The following ZNF546 variants were observed in gnomAD, a reference collection of about 807,000 sequenced individuals.
The protein encoded by ZNF546 is zinc finger protein 546.
Under a neutral mutation model 76.2 loss-of-function variants are expected in ZNF546, and 60 were observed. The ratio of observed to expected loss-of-function variants is 0.79; its 90% confidence interval spans 0.64 to 0.98. The LOEUF is 0.98. Among genes scored for constraint, ZNF546 ranks in the 50% least tolerant of loss-of-function variants. ZNF546 has a pLI of 0.00. For missense variants in ZNF546, 936 were observed against 1,035.6 expected (o/e 0.90, Z 1.32); for synonymous variants, 277 against 328.1 (o/e 0.84, Z 1.68).
chr19:40,014,058 A>C lies in ZNF546; in HGVS notation c.788A>C (p.His263Pro). Residue 263 changes from histidine to proline, a missense_variant, in exon 7 of 7, where the codon CAT becomes CCT. Physicochemically the swap from His to Pro is moderately conservative, Grantham distance 77. Coordinates refer to ENST00000347077, the MANE Select transcript of ZNF546 (RefSeq NM_178544.5). ...AFCRVGDLRV[H>P]HTIHAGERPY... ...TGTCGAGTGGGAGACCTTAGAGTACATCACACAATCCATGCTGGGGAGAGA... is the reference window on the plus strand; with the variant it reads ...TGTCGAGTGGGAGACCTTAGAGTACCTCACACAATCCATGCTGGGGAGAGA... 1.2e-6 allele frequency: 2 copies of C among 1,612,788 alleles called. No homozygotes were observed. Among genetic ancestry groups the C allele is most frequent in the African/African-American group, 1.3e-5 (1 of 75,024 alleles).
intron 3 of ZNF546, among the ~76,000 whole-genome samples, chr19:40,004,129 T>A (rs959493346): frequency 1.8e-5 from 2 of 108,872 alleles, no homozygotes; most frequent in Non-Finnish European, 3.2e-5. Flanking sequence ...ACTATATTAA[T>A]ATATATATAT....
At chr19:40,013,451 C>T (rs908943192) in intron 6 of ZNF546, among the ~76,000 whole-genome samples, 1 of 152,126 alleles carries the variant, frequency 6.6e-6, no homozygotes, top group Admixed American at 6.5e-5. Context: ...TGACAGAGAC[C>T]ATATGCCTCC....
In ZNF546 at chr19:40,008,500, C is replaced by A. The variant is rs146569548; in HGVS notation, c.329C>A (p.Thr110Asn). The A allele has an allele frequency of 1.3e-5, 21 of 1,611,598 alleles. No individual in the cohort carries two copies. In the African/African-American group the frequency reaches 2.0e-4, roughly 15 times the overall value. Residue 110 changes from threonine to asparagine, a missense_variant, in exon 6 of 7, where the codon ACT becomes AAT. By Grantham distance (65) the Thr-to-Asn change is moderately conservative. Coordinates refer to ENST00000347077, the MANE Select transcript of ZNF546 (RefSeq NM_178544.5). ...ACCATTCCTAAGCCAGATGTGATTACTTTATTGGAGCAAGAGAAAGAGCCC... is the reference window on the plus strand; with the variant it reads ...ACCATTCCTAAGCCAGATGTGATTAATTTATTGGAGCAAGAGAAAGAGCCC... The part of the protein sequence containing the change: ...GYTIPKPDVI[T>N]LLEQEKEPWI...
intron 3 of ZNF546, 77 bp from the exon 4 acceptor site, chr19:40,006,019 C>A: frequency 1.6e-6 from 2 of 1,227,764 alleles, no homozygotes; most frequent in Non-Finnish European, 1.2e-6. Context: ...GATGGCATAA[C>A]AGGATCTTAT....
rs775645503 is a variant in ZNF546 at position 40,013,803 on chromosome 19, G to A, written c.533G>A (p.Cys178Tyr). The change falls in exon 7 of 7, where the codon TGT (cysteine) becomes TAT (tyrosine). Residue 178 changes from cysteine (C) to tyrosine (Y), a missense_variant. By Grantham distance (194) the Cys-to-Tyr change is radical (BLOSUM62 -2). Transcript: ENST00000347077. ...EDTIFRNGLQCKHEFERQERH... is the reference protein window; with the variant it reads ...EDTIFRNGLQYKHEFERQERH... ...ACCATTTTCAGAAATGGTTTGCAGT[G>A]TAAACATGAATTTGAGAGACAAGAG... 7 of 1,613,916 alleles carry A rather than the reference G, an allele frequency of 4.3e-6. No homozygotes were observed. The South Asian group carries it at 6.6e-5, about 15-fold the overall frequency.
chr19:40,007,384 C>T lies in ZNF546; in HGVS notation c.282C>T (p.Ser94=). ...AGGATGTGATGTTGGAGAACTACAG[C>T]AACCTGGTCTCACTGGGTAAGGTAT... ...LYKDVMLENY[S]NLVSLGYTIP... Residue 94 remains serine, a synonymous_variant, in exon 5 of 7, where the codon AGC becomes AGT. Coordinates refer to ENST00000347077, the MANE Select transcript of ZNF546 (RefSeq NM_178544.5). The T allele has an allele frequency of 6.3e-7, 1 of 1,599,340 alleles. No individual in the cohort carries two copies. The highest frequency in any genetic ancestry group is 8.5e-7 in the Non-Finnish European group (1 of 1,172,550).
In ZNF546 at chr19:40,015,467, C is replaced by T. The variant is rs755564736; in HGVS notation, c.2197C>T (p.Arg733Trp). The change falls in exon 7 of 7, where the codon CGG (arginine) becomes TGG (tryptophan). Residue 733 changes from arginine to tryptophan, a missense_variant. Physicochemically the swap from Arg to Trp is moderately radical, Grantham distance 101. Transcript: ENST00000347077. The part of the protein sequence containing the change: ...CKECGKTFSR[R>W]YHLTQHFRLH... ...GGAATGTGGAAAGACCTTTAGTCGT[C>T]GGTATCATCTTACTCAACATTTTAG... The T allele has an allele frequency of 3.6e-5, 58 of 1,614,028 alleles. 1 individual carries two copies. Among genetic ancestry groups the T allele is most frequent in the South Asian group, 2.4e-4 (22 of 91,070 alleles).
chr19:40,014,323 T>C lies in ZNF546; in HGVS notation c.1053T>C (p.His351=), dbSNP rs1018163708. 1 of 1,613,388 alleles carries C rather than the reference T, an allele frequency of 6.2e-7. No individual in the cohort carries two copies. The change falls in exon 7 of 7, where the codon CAT becomes CAC. Residue 351 remains histidine, a synonymous_variant. Transcript: ENST00000347077. The part of the protein sequence containing the change: ...HYQLTEHQRI[H]TGERPYECKV... ...AACTAACTGAACATCAAAGAATTCA[T>C]ACTGGTGAGAGGCCTTATGAATGTA...
chr19:40,010,011 T>C (rs1034162746), intron 6 of ZNF546, among the ~76,000 whole-genome samples: 4 of 152,314 alleles, frequency 2.6e-5, no homozygotes, highest in East Asian at 1.9e-4. Context: ...TATAGACTTA[T>C]GCTTTCATTT....
In ZNF546 at chr19:40,020,809, T is replaced by C. The variant is rs1286562921; in HGVS notation, c.*5028T>C. 6.6e-6 allele frequency: 1 copy of C among 152,156 alleles called. No individual in the cohort carries two copies. Among genetic ancestry groups the C allele is most frequent in the Non-Finnish European group, 1.5e-5 (1 of 67,990 alleles). The allele number at this position is 152,156 out of a possible 1,614,324, so 9.4% of individuals were successfully genotyped here. A position where few individuals can be genotyped will look rare whatever the true frequency, so the allele number is the denominator to read the frequency against. On this transcript the variant is annotated 3_prime_UTR_variant, in exon 7 of 7. Transcript: ENST00000347077. The stretch of plus-strand genomic sequence containing the variant: ...AATATTCAGATCTAATGGCAGATGC[T>C]TAGCTATGCTGGGAAAGGAAGTGAA...
At position 40,015,346 on chromosome 19, in the gene ZNF546, C is replaced by A; in HGVS notation, c.2076C>A (p.Pro692=). The change falls in exon 7 of 7, where the codon CCC becomes CCA. Residue 692 remains proline (P), a synonymous_variant. Transcript: ENST00000347077. ...QHHRGHTGEK[P]YICNECGNAF... ...ACAGAGGCCATACTGGTGAGAAGCC[C>A]TACATATGTAATGAATGTGGGAATG... 6.2e-7 allele frequency: 1 copy of A among 1,614,106 alleles called. No homozygotes were observed. Among genetic ancestry groups the A allele is most frequent in the South Asian group, 1.1e-5 (1 of 91,090 alleles).
Position 40,015,090 on chromosome 19 carries a change from A to T in ZNF546, c.1820A>T (p.Lys607Ile), listed in dbSNP as rs778378262. 7 of 1,613,908 alleles carry T rather than the reference A, an allele frequency of 4.3e-6. No homozygotes were observed. The African/African-American group carries it at 9.3e-5, about 22-fold the overall frequency. ...CATTTTAAAATTCATACTGGTGAAA[A>T]ACCCTACATATGTAATGAATGTGGG... ...TQHFKIHTGE[K>I]PYICNECGKA... Residue 607 changes from lysine to isoleucine, a missense_variant, in exon 7 of 7, where the codon AAA becomes ATA. Transcript: ENST00000347077.
intron 3 of ZNF546, among the ~76,000 whole-genome samples, chr19:40,003,315 G>A (rs926385382): frequency 6.6e-6 from 1 of 152,162 alleles, no homozygotes; most frequent in Non-Finnish European, 1.5e-5. Context: ...GGGATTACAG[G>A]CGTGAGCCAC....
At chr19:40,006,250 A>G in intron 4 of ZNF546, 68 bp downstream of exon 4, 1 of 1,406,858 alleles carries the variant, frequency 7.1e-7, no homozygotes. Flanking sequence ...AAGTCTCGTT[A>G]TCTTGAGACT....
In ZNF546 at chr19:40,007,292, G is replaced by A. The variant is rs781590688; in HGVS notation, c.190G>A (p.Asp64Asn). The change falls in exon 5 of 7, where the codon GAT becomes AAT. Residue 64 changes from aspartate (D) to asparagine (N), a missense_variant. Coordinates refer to ENST00000347077, the MANE Select transcript of ZNF546 (RefSeq NM_178544.5). ...TMANVSLAFR[D>N]VSIDLSQEEW... Reference sequence around the variant, plus strand: ...ATTTCAGGTATCTTTGGCATTTAGGGATGTGTCCATAGACCTCTCCCAAGA... The same window carrying A: ...ATTTCAGGTATCTTTGGCATTTAGGAATGTGTCCATAGACCTCTCCCAAGA... The A allele has an allele frequency of 1.3e-6, 2 of 1,562,596 alleles. No individual in the cohort carries two copies. The highest frequency in any genetic ancestry group is 2.4e-5 in the South Asian group (2 of 82,102).
At chr19:40,010,512 G>A (rs1347985177) in intron 6 of ZNF546, among the ~76,000 whole-genome samples, 2 of 152,152 alleles carry the variant, frequency 1.3e-5, no homozygotes, top group African/African-American at 4.8e-5. Context: ...GGTATGGTCA[G>A]TCTTTTAAAT....
At position 40,017,553 on chromosome 19, in the gene ZNF546, AT is replaced by A. The variant is rs778693531; in HGVS notation, c.*1774del. 4 of 152,222 alleles carry A rather than the reference AT, an allele frequency of 2.6e-5. No homozygotes were observed. The highest frequency in any genetic ancestry group is 4.8e-5 in the African/African-American group (2 of 41,458). 9.4% of individuals were successfully genotyped at this position (152,222 alleles called of 1,614,324 possible). ...CCTCCTACTTAATTGCTATATAACA[AT>A]TGTCCAACCTGTCTGTGCCCCAGGG... is the stretch of plus-strand genomic sequence containing the variant. On this transcript the variant is annotated 3_prime_UTR_variant, in exon 7 of 7. Transcript: ENST00000347077.
chr19:40,013,809 A>G lies in ZNF546; in HGVS notation c.539A>G (p.His180Arg). Residue 180 changes from histidine (H) to arginine (R), a missense_variant, in exon 7 of 7, where the codon CAT (histidine) becomes CGT (arginine). His to Arg is a conservative substitution (Grantham distance 29, BLOSUM62 0). Coordinates refer to ENST00000347077, the MANE Select transcript of ZNF546 (RefSeq NM_178544.5). ...TIFRNGLQCKHEFERQERHQM... is the reference protein window; with the variant it reads ...TIFRNGLQCKREFERQERHQM... ...TTCAGAAATGGTTTGCAGTGTAAACATGAATTTGAGAGACAAGAGAGACAT... is the reference window on the plus strand; with the variant it reads ...TTCAGAAATGGTTTGCAGTGTAAACGTGAATTTGAGAGACAAGAGAGACAT... 1 of 1,613,936 alleles carries G rather than the reference A, an allele frequency of 6.2e-7. No homozygotes were observed. Among genetic ancestry groups the G allele is most frequent in the Non-Finnish European group, 8.5e-7 (1 of 1,179,954 alleles).
chr19:40,006,174 A>G lies in ZNF546; in HGVS notation c.163A>G (p.Met55Val). ...GACAAGTTCTTGTGGTTCTAAAACC[A>G]TGGCCAATGTAAGTTTGTGTTTTTC... ...ELTSSCGSKTMANVSLAFRDV... is the reference protein window; with the variant it reads ...ELTSSCGSKTVANVSLAFRDV... Residue 55 changes from methionine (M) to valine (V), a missense_variant, in exon 4 of 7, where the codon ATG becomes GTG. By Grantham distance (21) the Met-to-Val change is conservative. Transcript: ENST00000347077. The G allele has an allele frequency of 1.2e-6, 2 of 1,612,428 alleles. No homozygotes were observed. The highest frequency in any genetic ancestry group is 1.7e-6 in the Non-Finnish European group (2 of 1,179,032).
Sources: allele counts gnomAD v4.1 joint callset (sites outside exome capture counted in the v4.1 genomes callset), GRCh38; gene constraint gnomAD v4.1.1; transcripts MANE v1.5; gene names NCBI Gene and HGNC (gene_info 2026-07-23, HGNC 2026-07-21).